The following KCNU1 variants were observed in gnomAD, a reference collection of about 807,000 sequenced individuals.
KCNU1 encodes potassium channel subfamily U member 1.
Under a neutral mutation model 126.8 loss-of-function variants are expected in KCNU1, and 93 were observed. The ratio of observed to expected loss-of-function variants is 0.73; its 90% CI spans 0.62 to 0.87. The LOEUF is 0.87. Ranked by LOEUF, KCNU1 falls within the 40% of genes least tolerant of loss-of-function variation. KCNU1 has a pLI of 0.00. For synonymous variants in KCNU1, 523 were observed against 494.2 expected (o/e 1.06, Z -0.77); for missense variants, 1,330 against 1,367.1 (o/e 0.97, Z 0.43).
chr8:36,913,719 A>T (rs1205232410), intron 22 of KCNU1, among the ~76,000 whole-genome samples: 2 of 151,126 alleles, frequency 1.3e-5, no homozygotes, highest in African/African-American at 4.9e-5. Flanking sequence ...CTTCTGGCTC[A>T]GCCTCCCAAG....
At chr8:36,884,691 G>A (rs1177054777) in intron 19 of KCNU1, among the ~76,000 whole-genome samples, 1 of 152,022 alleles carries the variant, frequency 6.6e-6, no homozygotes, top group East Asian at 1.9e-4. Context: ...AGCCAAGATT[G>A]AGCCACTGGA....
chr8:36,871,416 G>A (rs949023446), intron 19 of KCNU1, among the ~76,000 whole-genome samples: 1 of 151,864 alleles, frequency 6.6e-6, no homozygotes, highest in Non-Finnish European at 1.5e-5. Context: ...TACATAGAGA[G>A]AGAGAGAGAG....
At chr8:36,921,987 A>C (rs1299231342) in intron 23 of KCNU1, among the ~76,000 whole-genome samples, 1 of 152,174 alleles carries the variant, frequency 6.6e-6, no homozygotes, top group African/African-American at 2.4e-5. Flanking sequence ...CCAAATCCCC[A>C]AATGATTCAT....
chr8:36,801,301 C>T (rs1803294876), intron 2 of KCNU1, among the ~76,000 whole-genome samples: 1 of 152,144 alleles, frequency 6.6e-6, no homozygotes, highest in Non-Finnish European at 1.5e-5. Flanking sequence ...GATCTTTCCT[C>T]TCGTTAGTGT....
At chr8:36,804,389 C>T (rs1428883888) in intron 3 of KCNU1, among the ~76,000 whole-genome samples, 2 of 152,132 alleles carry the variant, frequency 1.3e-5, no homozygotes, top group Non-Finnish European at 2.9e-5. Context: ...CTTTCTTTCC[C>T]TCACTTAGGC....
At position 36,922,561 on chromosome 8, in the gene KCNU1, C is replaced by T. The variant is rs1312162162; in HGVS notation, c.2668C>T (p.His890Tyr). ...AGGGTCCCTCCAAGAAACAAATCTG[C>T]ATCTCAGCACTGCCTTTTCTACGGG... ...LEGSLQETNL[H>Y]LSTAFSTGTV... Residue 890 changes from histidine (H) to tyrosine (Y), a missense_variant, in exon 24 of 27, where the codon CAT becomes TAT. This residue lies in a region of KCNU1 where 1,054 missense variants were observed against 1,053.9 expected (regional missense o/e 1.00). Transcript: ENST00000399881. The T allele has an allele frequency of 1.9e-6, 3 of 1,613,568 alleles. No homozygotes were observed. The highest frequency in any genetic ancestry group is 1.7e-5 in the Admixed American group (1 of 59,976).
intron 16 of KCNU1, among the ~76,000 whole-genome samples, chr8:36,843,287 A>G (rs1805022713): frequency 6.6e-6 from 1 of 152,200 alleles, no homozygotes; most frequent in Non-Finnish European, 1.5e-5. Flanking sequence ...GGGGGGATCT[A>G]TGGAAACAGA....
intron 19 of KCNU1, among the ~76,000 whole-genome samples, chr8:36,893,269 T>G (rs1057296342): frequency 6.6e-5 from 10 of 151,762 alleles, no homozygotes; most frequent in Non-Finnish European, 1.2e-4. Flanking sequence ...CCACCACATC[T>G]GGCCCTCTCT....
chr8:36,827,700 A>G (rs939193485), intron 10 of KCNU1, among the ~76,000 whole-genome samples: 2 of 152,210 alleles, frequency 1.3e-5, no homozygotes, highest in African/African-American at 4.8e-5. Context: ...AAACATAAAC[A>G]GAGCTCTCAC....
At chr8:36,828,224 T>G (rs1804397073) in intron 10 of KCNU1, among the ~76,000 whole-genome samples, 1 of 152,140 alleles carries the variant, frequency 6.6e-6, no homozygotes, top group Non-Finnish European at 1.5e-5. Context: ...TTTATTTTAA[T>G]TCTTAGTCAT....
At position 36,931,050 on chromosome 8, in the gene KCNU1, G is replaced by A. The variant is rs866596144; in HGVS notation, c.2836G>A (p.Gly946Ser). ...ACATTTAGATAAGGATAAAGTCTAT[G>A]GTGTGGCAGATAGCTGCACGTCGCT... The part of the protein sequence containing the change: ...EQHLDKDKVY[G>S]VADSCTSLLS... Residue 946 changes from glycine (G) to serine (S), a missense_variant, in exon 25 of 27, where the codon GGT becomes AGT. Gly to Ser is a moderately conservative substitution (Grantham distance 56, BLOSUM62 0). This residue lies in a region of KCNU1 where 1,054 missense variants were observed against 1,053.9 expected (regional missense o/e 1.00). Transcript: ENST00000399881. 1 of 1,611,876 alleles carries A rather than the reference G, an allele frequency of 6.2e-7. No individual in the cohort carries two copies. The highest frequency in any genetic ancestry group is 8.5e-7 in the Non-Finnish European group (1 of 1,178,798).
At chr8:36,908,764 T>C (rs1241010721) in intron 20 of KCNU1, among the ~76,000 whole-genome samples, 8 of 152,034 alleles carry the variant, frequency 5.3e-5, no homozygotes, top group Non-Finnish European at 1.0e-4. Flanking sequence ...AATTGAACCA[T>C]ATGAAATTGC....
chr8:36,838,640 T>C (rs1179699190), intron 14 of KCNU1, among the ~76,000 whole-genome samples: 1 of 152,006 alleles, frequency 6.6e-6, no homozygotes, highest in Admixed American at 6.6e-5. Flanking sequence ...GGGGTTGCAG[T>C]GAGCTGAGAT....
Position 36,932,969 on chromosome 8 carries a change from G to T in KCNU1, c.2981G>T (p.Gly994Val), listed in dbSNP as rs1349124395. Residue 994 changes from glycine to valine, a missense_variant, in exon 26 of 27, where the codon GGA (glycine) becomes GTA (valine). By Grantham distance (109) the Gly-to-Val change is moderately radical. Coordinates refer to ENST00000399881, the MANE Select transcript of KCNU1 (RefSeq NM_001031836.3). ...QLFCGSLDLF[G>V]ILCVGLYRII... ...TTCTGTGGCTCATTAGATCTTTTTG[G>T]AATCCTGTGTGTTGGCTTATACCGA... 1.3e-6 allele frequency: 2 copies of T among 1,577,490 alleles called. No individual in the cohort carries two copies. Among genetic ancestry groups the T allele is most frequent in the East Asian group, 2.3e-5 (1 of 43,688 alleles).
chr8:36,888,395 C>T (rs553829341), intron 19 of KCNU1: 10 of 365,636 alleles, frequency 2.7e-5, no homozygotes, highest in South Asian at 1.9e-4. Context: ...CTCCCTCCCC[C>T]ACAACACCAC....
intron 19 of KCNU1, among the ~76,000 whole-genome samples, chr8:36,887,442 G>GTTTTTTT (rs71278791): frequency 1.6e-5 from 2 of 124,986 alleles, no homozygotes; most frequent in Non-Finnish European, 1.6e-5. Flanking sequence ...TTGGCCATTT[G>GTTTTTTT]TTTTTTTTTG....
chr8:36,825,920 A>C (rs1030524415), intron 10 of KCNU1, among the ~76,000 whole-genome samples: 1 of 152,106 alleles, frequency 6.6e-6, no homozygotes, highest in Non-Finnish European at 1.5e-5. Context: ...ACCTTGTTGA[A>C]AGAGCTATCT....
intron 19 of KCNU1, among the ~76,000 whole-genome samples, chr8:36,877,913 A>G (rs957631872): frequency 5.3e-5 from 8 of 152,132 alleles, no homozygotes; most frequent in Admixed American, 2.0e-4. Flanking sequence ...AATATGCATT[A>G]TACTTCTTAT....
At chr8:36,896,586 C>T (rs10101240) in intron 19 of KCNU1, among the ~76,000 whole-genome samples, 52,270 of 151,820 alleles carry the variant, frequency 0.34, 9,674 homozygotes, top group Admixed American at 0.42. Flanking sequence ...ATGCGATGAT[C>T]TTTAAGACAT....
Sources: allele counts gnomAD v4.1 joint callset (sites outside exome capture counted in the v4.1 genomes callset), GRCh38; gene constraint gnomAD v4.1.1; regional missense constraint gnomAD v4.1.1; transcripts MANE v1.5; gene names NCBI Gene and HGNC (gene_info 2026-07-23, HGNC 2026-07-21).